The following FOXP1 variants were observed in gnomAD, a reference collection of about 807,000 sequenced individuals.
FOXP1 encodes forkhead box P1.
FOXP1 carries 15 observed loss-of-function variants against 98.2 expected under a neutral mutation model. The ratio of observed to expected loss-of-function variants is 0.15; its 90% CI spans 0.10 to 0.24. The LOEUF is 0.24. Ranked by LOEUF, FOXP1 falls within the 10% of genes least tolerant of loss-of-function variation. The pLI, the probability that FOXP1 is intolerant of heterozygous loss-of-function variation, is 1.00. For synonymous variants in FOXP1, 371 were observed against 314.5 expected (o/e 1.18, Z -1.90); for missense variants, 633 against 848.5 (o/e 0.75, Z 3.15).
intron 7 of FOXP1, among the ~76,000 whole-genome samples, chr3:71,066,853 A>AAT (rs755520158): frequency 1.3e-5 from 2 of 152,238 alleles, no homozygotes; most frequent in Admixed American, 6.5e-5. Context: ...TTTATCAGCT[A>AAT]ATAGTCTGCA....
chr3:70,975,148 G>C (rs1304499301), intron 17 of FOXP1, among the ~76,000 whole-genome samples: 31 of 152,188 alleles, frequency 2.0e-4, no homozygotes, highest in Non-Finnish European at 1.5e-5. Flanking sequence ...AAACGAAAAA[G>C]TGCAATCTGA....
At chr3:71,582,165 G>C (rs1387804437) in intron 1 of FOXP1, 4 of 985,070 alleles carry the variant, frequency 4.1e-6, no homozygotes, top group African/African-American at 1.7e-5. Flanking sequence ...CCCAGAGCCC[G>C]TGTGTGTCAC....
At chr3:71,495,274 G>A (rs536200528) in intron 2 of FOXP1, among the ~76,000 whole-genome samples, 30 of 152,290 alleles carry the variant, frequency 2.0e-4, no homozygotes, top group Admixed American at 2.0e-4. Context: ...AGCTTGTCCT[G>A]CCCACCTACT....
chr3:71,107,726 T>C (rs971952194), intron 7 of FOXP1, among the ~76,000 whole-genome samples: 1 of 152,206 alleles, frequency 6.6e-6, no homozygotes, highest in South Asian at 2.1e-4. Flanking sequence ...CAACATAAAG[T>C]TGTAGTTTCC....
At chr3:71,065,069 G>C (rs1018338070) in intron 7 of FOXP1, 2 of 143,878 alleles carry the variant, frequency 1.4e-5, no homozygotes, top group African/African-American at 5.1e-5. Flanking sequence ...AATGGGCTCC[G>C]CGGCCCGCGC....
In FOXP1 at chr3:70,964,212, TA is replaced by T. The variant is rs537134244; in HGVS notation, c.1889+1677del. ...TGACATTTTTGTGTAGGGTTTCTTGTAAAAAATAGTTGAAACCTTCATTTCA... is the reference window on the plus strand; with the variant it reads ...TGACATTTTTGTGTAGGGTTTCTTGTAAAAATAGTTGAAACCTTCATTTCA... On this transcript the variant is annotated intron_variant, in intron 20 of 20. Coordinates refer to ENST00000649528, the MANE Select transcript of FOXP1 (RefSeq NM_001349338.3). Among the ~76,000 whole-genome samples the T allele has an allele frequency of 2.0e-3, 306 of 152,312 alleles. 5 individuals carry two copies. The Middle Eastern group carries it at 0.02, about 10-fold the overall frequency.
At chr3:71,154,375 T>C (rs537557474) in intron 6 of FOXP1, among the ~76,000 whole-genome samples, 2 of 152,322 alleles carry the variant, frequency 1.3e-5, no homozygotes, top group African/African-American at 4.8e-5. Context: ...ATTCAGACTG[T>C]AATGTGCCTG....
chr3:71,191,894 T>G (rs1560091221), intron 6 of FOXP1, among the ~76,000 whole-genome samples: 1 of 152,218 alleles, frequency 6.6e-6, no homozygotes, highest in Non-Finnish European at 1.5e-5. Flanking sequence ...TTTTTGACCA[T>G]CAATACTTTT....
intron 18 of FOXP1, chr3:70,972,208 T>TG (rs2036416476): frequency 1.3e-6 from 2 of 1,499,962 alleles, no homozygotes; most frequent in Non-Finnish European, 1.8e-6. Context: ...GCAAAGGAGA[T>TG]GGAGTGGCAA....
chr3:71,136,679 C>T (rs2107965394), intron 6 of FOXP1, among the ~76,000 whole-genome samples: 1 of 152,322 alleles, frequency 6.6e-6, no homozygotes, highest in Non-Finnish European at 1.5e-5. Flanking sequence ...CCATCAACAA[C>T]TGTTTTTTGC....
intron 5 of FOXP1, among the ~76,000 whole-genome samples, chr3:71,225,964 C>A (rs926864275): frequency 2.0e-5 from 3 of 151,830 alleles, no homozygotes; most frequent in African/African-American, 7.3e-5. Flanking sequence ...GAGGGCTTAC[C>A]AAAAAAAACT....
intron 17 of FOXP1, among the ~76,000 whole-genome samples, chr3:70,976,084 C>G (rs1345611524): frequency 2.1e-5 from 3 of 139,818 alleles, no homozygotes; most frequent in Admixed American, 1.5e-4. Context: ...GGGTCTTGCT[C>G]TGTTGCCCAG....
At chr3:71,287,465 C>T (rs1576778967) in intron 5 of FOXP1, among the ~76,000 whole-genome samples, 1 of 150,754 alleles carries the variant, frequency 6.6e-6, no homozygotes, top group East Asian at 2.0e-4. Context: ...AGAGCGAGAC[C>T]CTGTCTCAAA....
chr3:71,183,274 A>G (rs1040306543), intron 6 of FOXP1, among the ~76,000 whole-genome samples: 1 of 152,042 alleles, frequency 6.6e-6, no homozygotes, highest in African/African-American at 2.4e-5. Context: ...CGGGTGGATC[A>G]TTTGAGGTCT....
chr3:71,281,059 A>AAG lies in FOXP1; in HGVS notation c.-12+18760_-12+18761insCT, dbSNP rs1553816205. 3.9e-3 allele frequency among the ~76,000 whole-genome samples: 586 copies of AAG among 148,356 alleles called. 2 individuals carry two copies. The highest frequency in any genetic ancestry group is 0.014 in the African/African-American group (555 of 39,632). On this transcript the variant is annotated intron_variant, in intron 5 of 20. Coordinates refer to ENST00000649528, the MANE Select transcript of FOXP1 (RefSeq NM_001349338.3). ...CTCTACAAAAAAAAAAAAAAAAAAA[A>AAG]AAGAAGAAGAAGAAGAAAAAGTAGC...
At chr3:71,250,793 T>C (rs1253899574) in intron 5 of FOXP1, among the ~76,000 whole-genome samples, 1 of 152,040 alleles carries the variant, frequency 6.6e-6, no homozygotes, top group East Asian at 1.9e-4. Context: ...TAGCTAGGCA[T>C]GGTGGCGCAC....
chr3:71,309,045 G>A (rs921303790), intron 4 of FOXP1, among the ~76,000 whole-genome samples: 5 of 152,080 alleles, frequency 3.3e-5, no homozygotes, highest in Admixed American at 1.3e-4. Context: ...TTACTACCAA[G>A]TTACGCTTGC....
chr3:71,450,317 A>C (rs373039695), intron 3 of FOXP1, among the ~76,000 whole-genome samples: 3 of 152,194 alleles, frequency 2.0e-5, no homozygotes, highest in South Asian at 2.1e-4. Context: ...CAGAACAGAA[A>C]CTCTACATAC....
chr3:71,582,785 C>A, intron 1 of FOXP1: 1 of 985,050 alleles, frequency 1.0e-6, no homozygotes, highest in Non-Finnish European at 1.2e-6. Flanking sequence ...GCTGGGGGTG[C>A]GCAGGTGCGT....
Sources: allele counts gnomAD v4.1 joint callset (sites outside exome capture counted in the v4.1 genomes callset), GRCh38; gene constraint gnomAD v4.1.1; transcripts MANE v1.5; gene names NCBI Gene and HGNC (gene_info 2026-07-23, HGNC 2026-07-21).